Variants in MAOB observed in about 807,000 individuals in gnomAD.
MAOB encodes amine oxidase [flavin-containing] B.
Under a neutral mutation model 41.9 loss-of-function variants are expected in MAOB, and 15 were observed. The observed-to-expected ratio is 0.36, with a 90% CI of 0.24 to 0.55. The LOEUF (loss-of-function observed/expected upper bound fraction) is 0.55. Among genes scored for constraint, MAOB ranks in the 20% least tolerant of loss-of-function variants. The pLI, the probability that MAOB is intolerant of heterozygous loss-of-function variation, is 0.86. For synonymous variants in MAOB, 167 were observed against 144.2 expected (o/e 1.16, Z -1.13); for missense variants, 345 against 398.7 (o/e 0.87, Z 1.15).
chrX:43,797,974 A>G (rs1446598993), intron 5 of MAOB, among the ~76,000 whole-genome samples: 1 of 111,911 alleles, frequency 8.9e-6, no homozygotes, highest in African/African-American at 3.3e-5. Flanking sequence ...GCCCATGCCT[A>G]CCTTTTCTGT....
At chrX:43,832,525 G>A (rs902206933) in intron 3 of MAOB, among the ~76,000 whole-genome samples, 1 of 111,407 alleles carries the variant, frequency 9.0e-6, no homozygotes, top group Non-Finnish European at 1.9e-5. Flanking sequence ...AGATGATGAG[G>A]ATGAAGACCT....
chrX:43,831,964 T>A (rs1158457532), intron 3 of MAOB, among the ~76,000 whole-genome samples: 1 of 112,004 alleles, frequency 8.9e-6, no homozygotes, highest in African/African-American at 3.2e-5. Context: ...AACATGTACA[T>A]AAATTACTAT....
At chrX:43,768,772 T>C in intron 13 of MAOB, 56 bp from the exon 14 acceptor site, 2 of 996,677 alleles carry the variant, frequency 2.0e-6, no homozygotes, top group South Asian at 3.9e-5. Context: ...TTTCTTCTAA[T>C]CTGCTCCCTA....
chrX:43,799,471 T>C (rs2034567243), intron 5 of MAOB, among the ~76,000 whole-genome samples: 1 of 111,627 alleles, frequency 9.0e-6, no homozygotes, highest in South Asian at 3.7e-4. Context: ...AGCCAATATT[T>C]AACAAAAATA....
Position 43,805,131 on chromosome X carries a change from C to T in MAOB, c.280-1727G>A, listed in dbSNP as rs148962354. Among the ~76,000 whole-genome samples, 23 of 111,543 alleles carry T rather than the reference C, an allele frequency of 2.1e-4. 1 individual carries two copies. In the East Asian group the frequency reaches 2.5e-3, roughly 12 times the overall value. On this transcript the variant is annotated intron_variant, in intron 3 of 14. Coordinates refer to ENST00000378069, the MANE Select transcript of MAOB (RefSeq NM_000898.5). ...TGGCTAAATTGAGCTAATTAACATA[C>T]GCATTACCTTACATACCTATCATTT... is the stretch of plus-strand genomic sequence containing the variant.
At chrX:43,877,237 G>A (rs770437120) in intron 1 of MAOB, among the ~76,000 whole-genome samples, 1 of 111,831 alleles carries the variant, frequency 8.9e-6, no homozygotes, top group Non-Finnish European at 1.9e-5. Flanking sequence ...GCCCCTGAAT[G>A]TATGGCAGGG....
intron 3 of MAOB, among the ~76,000 whole-genome samples, chrX:43,826,842 C>T (rs767340040): frequency 8.9e-6 from 1 of 112,075 alleles, no homozygotes; most frequent in Admixed American, 9.5e-5. Flanking sequence ...CTAATCACCT[C>T]TTAAAAGTCC....
chrX:43,768,436 A>T (rs1244645359), intron 14 of MAOB, among the ~76,000 whole-genome samples: 2 of 111,136 alleles, frequency 1.8e-5, no homozygotes, highest in Non-Finnish European at 3.8e-5. Flanking sequence ...ATTTTTTCCT[A>T]ATAATCTGTA....
chrX:43,797,640 T>A (rs1444756926), intron 5 of MAOB, among the ~76,000 whole-genome samples: 1 of 111,491 alleles, frequency 9.0e-6, no homozygotes, highest in Non-Finnish European at 1.9e-5. Context: ...CCATCAATCT[T>A]CCCCCATCCA....
chrX:43,829,875 T>C (rs1163194774), intron 3 of MAOB, among the ~76,000 whole-genome samples: 1 of 112,011 alleles, frequency 8.9e-6, no homozygotes, highest in Non-Finnish European at 1.9e-5. Context: ...CCCTGTGCTA[T>C]CCAATACAGT....
At chrX:43,800,240 A>G (rs1391603864) in intron 5 of MAOB, among the ~76,000 whole-genome samples, 1 of 111,347 alleles carries the variant, frequency 9.0e-6, no homozygotes. Flanking sequence ...TCCCAAAAAC[A>G]TATGATTGAT....
In MAOB at chrX:43,781,419, G is replaced by A. The variant is rs750441934; in HGVS notation, c.1025+29C>T. ...GTGATTATCTTGTCAACACTGAATA[G>A]CAGCCACAACACCATAATTGTGCCT... On this transcript the variant is annotated intron_variant, in intron 9 of 14. Coordinates refer to ENST00000378069, the MANE Select transcript of MAOB (RefSeq NM_000898.5). 6 of 931,263 alleles carry A rather than the reference G, an allele frequency of 6.4e-6. No homozygotes were observed. The African/African-American group carries it at 1.0e-4, about 15-fold the overall frequency. The allele number at this position is 931,263 out of a possible 1,213,427, so 76.7% of individuals were successfully genotyped here. A position where few individuals can be genotyped will look rare whatever the true frequency, so the allele number is the denominator to read the frequency against.
At chrX:43,778,855 C>G in intron 10 of MAOB, 116 bp from the exon 11 acceptor site, 1 of 520,054 alleles carries the variant, frequency 1.9e-6, no homozygotes. Flanking sequence ...TGATTCCACT[C>G]CAGCATTTCA....
chrX:43,826,330 G>A (rs770742999), intron 3 of MAOB, among the ~76,000 whole-genome samples: 1 of 111,503 alleles, frequency 9.0e-6, no homozygotes, highest in East Asian at 2.8e-4. Flanking sequence ...TCTCCTAAGA[G>A]TGATGCCAAA....
At chrX:43,816,341 C>CTATA (rs1431797029) in intron 3 of MAOB, among the ~76,000 whole-genome samples, 1 of 111,499 alleles carries the variant, frequency 9.0e-6, no homozygotes, top group African/African-American at 3.3e-5. Flanking sequence ...TGTATGTATG[C>CTATA]TATACATCAA....
intron 1 of MAOB, among the ~76,000 whole-genome samples, chrX:43,848,516 T>G (rs967278764): frequency 5.4e-5 from 6 of 110,973 alleles, no homozygotes; most frequent in Admixed American, 9.6e-5. Flanking sequence ...TGTTTTTTTT[T>G]TTATGTTGTT....
At chrX:43,882,223 A>C (rs1341982231) in intron 1 of MAOB, 31 bp downstream of exon 1, 1 of 1,207,123 alleles carries the variant, frequency 8.3e-7, no homozygotes, top group Admixed American at 2.2e-5. Flanking sequence ...GAGCGCGTGA[A>C]GAGGAAGGAG....
intron 1 of MAOB, among the ~76,000 whole-genome samples, chrX:43,866,725 TA>T (rs1468192136): frequency 8.9e-6 from 1 of 112,538 alleles, no homozygotes; most frequent in African/African-American, 3.2e-5. Flanking sequence ...GTACATTAGG[TA>T]TATTTTACCA....
In MAOB at chrX:43,797,177, A is replaced by G; in HGVS notation, c.566T>C (p.Val189Ala). ...TCTTGTTGTGCCTCCACACTGCTTCACATACCACAGGAACCAGAGAGCAGA... is the reference window on the plus strand; with the variant it reads ...TCTTGTTGTGCCTCCACACTGCTTCGCATACCACAGGAACCAGAGAGCAGA... ...EVSALWFLWY[V>A]KQCGGTTRII... The change falls in exon 6 of 15, where the codon GTG becomes GCG. Residue 189 changes from valine (V) to alanine (A), a missense_variant. By Grantham distance (64) the Val-to-Ala change is moderately conservative. Coordinates refer to ENST00000378069, the MANE Select transcript of MAOB (RefSeq NM_000898.5). The G allele has an allele frequency of 8.3e-7, 1 of 1,207,892 alleles. No individual in the cohort carries two copies. The highest frequency in any genetic ancestry group is 1.1e-6 in the Non-Finnish European group (1 of 892,535).
Sources: gnomAD v4.1 joint callset for allele counts (sites outside exome capture counted in the v4.1 genomes callset) on GRCh38, gnomAD v4.1.1 for gene constraint, MANE v1.5 for transcripts, NCBI Gene and HGNC (gene_info 2026-07-23, HGNC 2026-07-21) for gene names.